Variants in SERINC3 observed in about 807,000 individuals in gnomAD.
SERINC3 encodes serine incorporator 3, also known as tumor differentially expressed protein 1.
SERINC3 carries 22 observed loss-of-function variants against 52.1 expected under a neutral mutation model. The ratio of observed to expected loss-of-function variants is 0.42; its 90% CI spans 0.30 to 0.60. The LOEUF is 0.60. SERINC3 is among the 20% of genes least tolerant of loss of function. The pLI, the probability that SERINC3 is intolerant of heterozygous loss-of-function variation, is 0.16. For synonymous variants in SERINC3, 226 were observed against 212.7 expected (o/e 1.06, Z -0.54); for missense variants, 564 against 584.6 (o/e 0.96, Z 0.36).
At chr20:44,521,558 T>C (rs2064416591) in intron 1 of SERINC3, among the ~76,000 whole-genome samples, 1 of 152,192 alleles carries the variant, frequency 6.6e-6, no homozygotes. Context: ...AACTAAATGA[T>C]GGCACCTTAA....
At chr20:44,511,263 T>C (rs1568788498) in intron 4 of SERINC3, 26 bp downstream of exon 4, 1 of 1,483,734 alleles carries the variant, frequency 6.7e-7, no homozygotes, top group Non-Finnish European at 9.4e-7. Flanking sequence ...TAGTTTAAAA[T>C]TAACCCCCTC....
chr20:44,513,267 C>T (rs1332300691), intron 2 of SERINC3, among the ~76,000 whole-genome samples: 1 of 152,000 alleles, frequency 6.6e-6, no homozygotes, highest in African/African-American at 2.4e-5. Context: ...GGGTGGATCA[C>T]GAGGTCAGGA....
chr20:44,507,103 T>C, intron 5 of SERINC3, 107 bp from the exon 6 acceptor site: 1 of 789,708 alleles, frequency 1.3e-6, no homozygotes, highest in Non-Finnish European at 1.8e-6. Flanking sequence ...ATGTCACTTT[T>C]CTGGGGTAAT....
At chr20:44,506,163 T>C (rs1040033316) in intron 6 of SERINC3, among the ~76,000 whole-genome samples, 1 of 149,006 alleles carries the variant, frequency 6.7e-6, no homozygotes, top group Non-Finnish European at 1.5e-5. Context: ...TAGCCGGGCA[T>C]GGTGGCAGGC....
Position 44,503,885 on chromosome 20 carries a change from T to G in SERINC3, c.985A>C (p.Ser329Arg). 6.2e-7 allele frequency: 1 copy of G among 1,602,490 alleles called. No homozygotes were observed. The highest frequency in any genetic ancestry group is 8.5e-7 in the Non-Finnish European group (1 of 1,176,056). The change falls in exon 8 of 10, where the codon AGT becomes CGT. Residue 329 changes from serine to arginine, a missense_variant. By Grantham distance (110) the Ser-to-Arg change is moderately radical. Coordinates refer to ENST00000342374, the MANE Select transcript of SERINC3 (RefSeq NM_006811.4). ...TTATCTGAATCCAGTAAAGACCCACTCTTTGATGGTGGAGTAGGGGTAGGG... is the reference window on the plus strand; with the variant it reads ...TTATCTGAATCCAGTAAAGACCCACGCTTTGATGGTGGAGTAGGGGTAGGG... The part of the protein sequence containing the change: ...VVPTPTPPSK[S>R]GSLLDSDNFI...
chr20:44,499,730 T>C lies in SERINC3; in HGVS notation c.*566A>G, dbSNP rs1024711819. The stretch of plus-strand genomic sequence containing the variant: ...AAAAAGTAAATTAAAAAACTCAAGA[T>C]GTAGAAGCAGTAGCCATATCAGCAA... On this transcript the variant is annotated 3_prime_UTR_variant, in exon 10 of 10. Coordinates refer to ENST00000342374, the MANE Select transcript of SERINC3 (RefSeq NM_006811.4). 2 of 152,304 alleles carry C rather than the reference T, an allele frequency of 1.3e-5. No homozygotes were observed. Among genetic ancestry groups the C allele is most frequent in the African/African-American group, 4.8e-5 (2 of 41,440 alleles). 9.4% of individuals were successfully genotyped at this position (152,304 alleles called of 1,614,324 possible). A position where few individuals can be genotyped will look rare whatever the true frequency, so the allele number is the denominator to read the frequency against.
chr20:44,506,999 G>A lies in SERINC3; in HGVS notation c.614-3C>T. 1.3e-6 allele frequency: 2 copies of A among 1,584,696 alleles called. No homozygotes were observed. Among genetic ancestry groups the A allele is most frequent in the Non-Finnish European group, 1.7e-6 (2 of 1,167,976 alleles). The stretch of plus-strand genomic sequence containing the variant: ...GGCGCTTGTGAAAGACAGTAAAGCT[G>A]GAGAAAGGGAAACCAATATGAATGA... On this transcript the variant is annotated splice_region_variant and splice_polypyrimidine_tract_variant and intron_variant, in intron 5 of 9. Coordinates refer to ENST00000342374, the MANE Select transcript of SERINC3 (RefSeq NM_006811.4).
intron 4 of SERINC3, 80 bp from the exon 5 acceptor site, chr20:44,510,108 A>G: frequency 1.4e-6 from 2 of 1,385,414 alleles, no homozygotes; most frequent in South Asian, 1.2e-5. Flanking sequence ...ACGGATTTCA[A>G]TTAAAACAAG....
At chr20:44,504,673 A>G in intron 7 of SERINC3, 128 bp downstream of exon 7, 1 of 685,312 alleles carries the variant, frequency 1.5e-6, no homozygotes, top group Non-Finnish European at 2.5e-6. Context: ...CCTACAGTGA[A>G]CACTGTACGT....
intron 1 of SERINC3, among the ~76,000 whole-genome samples, chr20:44,517,314 T>C (rs1256327428): frequency 6.6e-6 from 1 of 151,260 alleles, no homozygotes; most frequent in Non-Finnish European, 1.5e-5. Context: ...AACTACAGTA[T>C]AGGCCAAACA....
intron 2 of SERINC3, 39 bp from the exon 3 acceptor site, chr20:44,513,033 A>G (rs2064358445): frequency 3.6e-6 from 5 of 1,385,316 alleles, no homozygotes; most frequent in African/African-American, 1.5e-5. Context: ...GAATATCTAC[A>G]TTTAGACAGA....
downstream of SERINC3, among the ~76,000 whole-genome samples, chr20:44,497,261 C>T (rs1005396485): frequency 2.1e-4 from 32 of 152,212 alleles, 1 homozygote; most frequent in African/African-American, 7.5e-4. Flanking sequence ...TGCTGTCTTA[C>T]TCATGCTTGT....
rs373000836 is a variant in SERINC3, at chr20:44,517,153, T to C, written c.40-3113A>G. 9.2e-5 allele frequency among the ~76,000 whole-genome samples: 14 copies of C among 152,316 alleles called. 1 individual carries two copies. Among genetic ancestry groups the C allele is most frequent in the East Asian group, 1.9e-4 (1 of 5,186 alleles). On this transcript the variant is annotated intron_variant, in intron 1 of 9. Transcript: ENST00000342374. ...AATACCACCTACTCGAACAGGGTGA[T>C]TGAGCAAAGAATGAGATGATGTCAG...
intron 7 of SERINC3, 23 bp from the exon 8 acceptor site, chr20:44,504,018 T>C: frequency 1.3e-6 from 2 of 1,565,004 alleles, no homozygotes; most frequent in South Asian, 1.2e-5. Context: ...AAATTTGTAT[T>C]ATCCTTGGTT....
intron 5 of SERINC3, among the ~76,000 whole-genome samples, chr20:44,508,478 G>C (rs1015510671): frequency 2.6e-5 from 4 of 151,578 alleles, no homozygotes; most frequent in East Asian, 1.9e-4. Flanking sequence ...GCCTGGGTGA[G>C]AGAGTGAGAC....
chr20:44,519,406 C>T (rs2064401821), intron 1 of SERINC3: 1 of 981,086 alleles, frequency 1.0e-6, no homozygotes, highest in African/African-American at 1.8e-5. Flanking sequence ...TTCAACTCAC[C>T]AGGATTTTCT....
chr20:44,509,905 C>A lies in SERINC3; in HGVS notation c.599G>T (p.Arg200Met), dbSNP rs376284303. ...WVNRMEEGNP[R>M]LWYAALLSFT... ...GAGATACCTACCAGCATACCACAAC[C>A]TTGGGTTTCCTTCTTCCATTCGATT... The change falls in exon 5 of 10, where the codon AGG (arginine) becomes ATG (methionine). Residue 200 changes from arginine to methionine, a missense_variant. Arg to Met is a moderately conservative substitution (Grantham distance 91). Transcript: ENST00000342374. 9.9e-6 allele frequency: 16 copies of A among 1,614,020 alleles called. No homozygotes were observed. The African/African-American group carries it at 2.1e-4, about 22-fold the overall frequency.
intron 1 of SERINC3, among the ~76,000 whole-genome samples, chr20:44,515,963 A>G (rs1188739150): frequency 6.6e-6 from 1 of 151,978 alleles, no homozygotes; most frequent in Admixed American, 6.6e-5. Flanking sequence ...CCCACTAAAC[A>G]TTTTGAAATG....
rs1465566506 is a variant in SERINC3 at position 44,517,546 on chromosome 20, A to T, written c.40-3506T>A. Among the ~76,000 whole-genome samples, 9 of 152,084 alleles carry T rather than the reference A, an allele frequency of 5.9e-5. No homozygotes were observed. In the East Asian group the frequency reaches 1.5e-3, roughly 26 times the overall value. On this transcript the variant is annotated intron_variant, in intron 1 of 9. Transcript: ENST00000342374. Reference sequence around the variant, plus strand: ...TTCCACATGCCATGTGAAGGCAGAGATCTACAAGCCAAGGAACATCAAAGA... The same window carrying T: ...TTCCACATGCCATGTGAAGGCAGAGTTCTACAAGCCAAGGAACATCAAAGA...
Sources: gnomAD v4.1 joint callset for allele counts (sites outside exome capture counted in the v4.1 genomes callset) on GRCh38, gnomAD v4.1.1 for gene constraint, MANE v1.5 for transcripts, NCBI Gene and HGNC (gene_info 2026-07-23, HGNC 2026-07-21) for gene names.